Variants in COL15A1 observed in about 807,000 individuals in gnomAD.
The protein encoded by COL15A1 is collagen alpha-1(XV) chain.
A neutral mutation model predicts 165.9 loss-of-function variants in COL15A1; 111 were observed. The ratio of observed to expected loss-of-function variants is 0.67; its 90% CI spans 0.57 to 0.78. COL15A1 has a LOEUF of 0.78. Among genes scored for constraint, COL15A1 ranks in the 30% least tolerant of loss-of-function variants. The probability of loss-of-function intolerance (pLI) is 0.00; values close to 1 mark genes in which losing one functional copy is unlikely to be tolerated. For synonymous variants in COL15A1, 659 were observed against 674.8 expected (o/e 0.98, Z 0.36); for missense variants, 1,745 against 1,789.7 (o/e 0.98, Z 0.45).
chr9:99,038,797 G>A lies in COL15A1; in HGVS notation c.2475+64G>A, dbSNP rs77812620. The A allele has an allele frequency of 2.6e-3, 2,505 of 950,962 alleles. 33 individuals are homozygous for A. The African/African-American group carries it at 0.036, about 14-fold the overall frequency. 58.9% of individuals were successfully genotyped at this position (950,962 alleles called of 1,614,324 possible). A position where few individuals can be genotyped will look rare whatever the true frequency, so the allele number is the denominator to read the frequency against. ...CAGACGCCCCTGTTGAAACAAAGTCGGGTTACTTTGGAATCCTTTTAGCTC... is the reference window on the plus strand; with the variant it reads ...CAGACGCCCCTGTTGAAACAAAGTCAGGTTACTTTGGAATCCTTTTAGCTC... On this transcript the variant is annotated intron_variant, in intron 22 of 41. Transcript: ENST00000375001.
chr9:99,000,183 G>A (rs1235175721), intron 6 of COL15A1, among the ~76,000 whole-genome samples: 1 of 152,178 alleles, frequency 6.6e-6, no homozygotes, highest in African/African-American at 2.4e-5. Context: ...ATATATGCAT[G>A]TGGGAACAAT....
intron 21 of COL15A1, among the ~76,000 whole-genome samples, chr9:99,036,809 G>T (rs1023966922): frequency 6.6e-6 from 1 of 152,222 alleles, no homozygotes; most frequent in African/African-American, 2.4e-5. Flanking sequence ...CCCAGTGGGA[G>T]AGCCACATGT....
chr9:98,984,426 A>G (rs1450999662), intron 2 of COL15A1, among the ~76,000 whole-genome samples: 1 of 152,240 alleles, frequency 6.6e-6, no homozygotes, highest in Non-Finnish European at 1.5e-5. Flanking sequence ...GTGTGGTGGC[A>G]TAGCCTCTGG....
intron 9 of COL15A1, among the ~76,000 whole-genome samples, chr9:99,010,787 T>C (rs910465058): frequency 2.0e-5 from 3 of 152,246 alleles, no homozygotes; most frequent in African/African-American, 7.2e-5. Context: ...AATATTCTTT[T>C]TGTTAATCTG....
chr9:98,999,564 C>T (rs904545908), intron 6 of COL15A1, among the ~76,000 whole-genome samples: 6 of 151,214 alleles, frequency 4.0e-5, no homozygotes, highest in African/African-American at 1.5e-4. Context: ...TGCTCTGTCA[C>T]CCAGGCTGGA....
At chr9:98,944,100 G>A (rs776757383) in intron 1 of COL15A1, 28 bp downstream of exon 1, 1 of 1,614,086 alleles carries the variant, frequency 6.2e-7, no homozygotes, top group Admixed American at 1.7e-5. Context: ...GCTTCCTCGC[G>A]TCCCGGGCCC....
chr9:98,999,083 C>G (rs762497655), intron 6 of COL15A1, among the ~76,000 whole-genome samples: 1 of 152,196 alleles, frequency 6.6e-6, no homozygotes, highest in Non-Finnish European at 1.5e-5. Context: ...GTGCTCGACC[C>G]GTGCTGGCCA....
intron 16 of COL15A1, 65 bp downstream of exon 16, chr9:99,026,031 C>T (rs1348856249): frequency 6.8e-7 from 1 of 1,460,118 alleles, no homozygotes; most frequent in East Asian, 2.4e-5. Context: ...TCTCTCTGAC[C>T]CCTAAACCTG....
intron 2 of COL15A1, among the ~76,000 whole-genome samples, chr9:98,959,246 A>G (rs1310560957): frequency 6.7e-6 from 1 of 148,960 alleles, no homozygotes; most frequent in African/African-American, 2.5e-5. Flanking sequence ...AAAAAAAAAA[A>G]ACTAAAAACT....
At chr9:99,027,254 A>G (rs1358046127) in intron 16 of COL15A1, among the ~76,000 whole-genome samples, 1 of 152,196 alleles carries the variant, frequency 6.6e-6, no homozygotes, top group Non-Finnish European at 1.5e-5. Flanking sequence ...TGGGATCAGA[A>G]GTGGGGCCTT....
intron 2 of COL15A1, among the ~76,000 whole-genome samples, chr9:98,944,577 C>T (rs79066432): frequency 3.8e-4 from 58 of 152,376 alleles, no homozygotes; most frequent in African/African-American, 1.4e-3. Context: ...TCAGCGCACC[C>T]AGCGCCAGCA....
intron 2 of COL15A1, among the ~76,000 whole-genome samples, chr9:98,970,182 T>C (rs1436784077): frequency 2.6e-5 from 4 of 152,050 alleles, no homozygotes; most frequent in Admixed American, 6.5e-5. Flanking sequence ...CATTCACTCA[T>C]GCACAAAACA....
chr9:99,015,380 C>A (rs766864143), intron 9 of COL15A1, 37 bp from the exon 10 acceptor site: 3 of 1,540,052 alleles, frequency 1.9e-6, no homozygotes, highest in African/African-American at 1.4e-5. Context: ...GGGGCATGGG[C>A]GAAGGGGCAC....
At chr9:99,026,716 A>G (rs1839132320) in intron 16 of COL15A1, among the ~76,000 whole-genome samples, 2 of 152,180 alleles carry the variant, frequency 1.3e-5, no homozygotes, top group African/African-American at 4.8e-5. Flanking sequence ...TCCAAGACCC[A>G]GTTCAGATAC....
chr9:99,040,723 T>A (rs1839387096), intron 23 of COL15A1, 167 bp downstream of exon 23: 1 of 1,263,830 alleles, frequency 7.9e-7, no homozygotes. Flanking sequence ...TTTGCCATGT[T>A]GCCCAGGCTG....
At chr9:98,973,342 A>G (rs1196948036) in intron 2 of COL15A1, among the ~76,000 whole-genome samples, 1 of 152,210 alleles carries the variant, frequency 6.6e-6, no homozygotes, top group Non-Finnish European at 1.5e-5. Context: ...ACCGGAAAAG[A>G]GAAGGAGGCG....
At position 98,985,852 on chromosome 9, in the gene COL15A1, G is replaced by A. The variant is rs1271817403; in HGVS notation, c.388G>A (p.Gly130Ser). ...LGLRLSGVED[G>S]HQRIILYYTE... is the part of the protein sequence containing the mutation. ...CCTGCGGCTCTCAGGTGTGGAGGAC[G>A]GCCACCAGCGGATCATCCTCTACTA... Residue 130 changes from glycine (G) to serine (S), a missense_variant, in exon 3 of 42, where the codon GGC becomes AGC. By Grantham distance (56) the Gly-to-Ser change is moderately conservative (BLOSUM62 0). Coordinates refer to ENST00000375001, the MANE Select transcript of COL15A1 (RefSeq NM_001855.5). 1.4e-5 allele frequency: 23 copies of A among 1,613,682 alleles called. No individual in the cohort carries two copies. The highest frequency in any genetic ancestry group is 9.3e-5 in the African/African-American group (7 of 74,914).
chr9:99,039,844 G>A (rs1028355397), intron 22 of COL15A1, among the ~76,000 whole-genome samples: 1 of 152,210 alleles, frequency 6.6e-6, no homozygotes, highest in Non-Finnish European at 1.5e-5. Flanking sequence ...AAGTCATTGT[G>A]GAGACAGGTT....
At chr9:99,036,580 G>T (rs1839305955) in intron 21 of COL15A1, among the ~76,000 whole-genome samples, 184 bp downstream of exon 21, 1 of 152,208 alleles carries the variant, frequency 6.6e-6, no homozygotes, top group South Asian at 2.1e-4. Context: ...CTCTCACATG[G>T]TGCTTCTAGA....
Sources: gnomAD v4.1 joint callset for allele counts (sites outside exome capture counted in the v4.1 genomes callset) on GRCh38, gnomAD v4.1.1 for gene constraint, MANE v1.5 for transcripts, NCBI Gene and HGNC (gene_info 2026-07-23, HGNC 2026-07-21) for gene names.